The following COPG2 variants were observed in gnomAD, a reference collection of about 807,000 sequenced individuals.
The protein encoded by COPG2 is coatomer subunit gamma-2.
Under a neutral mutation model 46.3 loss-of-function variants are expected in COPG2, and 37 were observed. The observed-to-expected ratio is 0.80, with a 90% confidence interval of 0.61 to 1.05. The LOEUF (loss-of-function observed/expected upper bound fraction) is 1.05, where lower values mean the gene tolerates loss of function less well. Ranked by LOEUF, COPG2 falls within the 50% of genes least tolerant of loss-of-function variation. The probability of loss-of-function intolerance (pLI) is 0.00; values close to 1 mark genes in which losing one functional copy is unlikely to be tolerated. For missense variants in COPG2, 427 were observed against 387.8 expected, an observed-to-expected ratio of 1.10 and a Z score of -0.85; for synonymous variants, 159 against 129.7, an observed-to-expected ratio of 1.23 and a Z score of -1.53.
intron 20 of COPG2, chr7:130,510,816 G>T: frequency 2.2e-6 from 1 of 460,746 alleles, no homozygotes; most frequent in Non-Finnish European, 4.3e-6. Flanking sequence ...AGCTGCTGGA[G>T]AGGATGACGA....
At chr7:130,595,647 CTT>C (rs1299609350) in intron 9 of COPG2, among the ~76,000 whole-genome samples, 1 of 152,194 alleles carries the variant, frequency 6.6e-6, no homozygotes, top group African/African-American at 2.4e-5. Flanking sequence ...ATGCAACTCT[CTT>C]GAGTACCCCC....
At chr7:130,578,055 G>A (rs1405463827) in intron 9 of COPG2, among the ~76,000 whole-genome samples, 40 of 152,218 alleles carry the variant, frequency 2.6e-4, no homozygotes, top group Non-Finnish European at 4.7e-4. Flanking sequence ...GAGCACAGAC[G>A]AACCAAAAGA....
chr7:130,616,451 G>A (rs782814588), intron 6 of COPG2, among the ~76,000 whole-genome samples: 1 of 152,236 alleles, frequency 6.6e-6, no homozygotes, highest in South Asian at 2.1e-4. Context: ...TTAGCCAGGT[G>A]TGGTGGTGGG....
intron 9 of COPG2, among the ~76,000 whole-genome samples, chr7:130,587,339 T>C (rs182874782): frequency 1.3e-5 from 2 of 151,990 alleles, no homozygotes; most frequent in East Asian, 1.9e-4. Flanking sequence ...AGAAAAATAC[T>C]ATTCAAGAAA....
chr7:130,509,784 C>A (rs1554440787), intron 20 of COPG2: 1 of 513,416 alleles, frequency 1.9e-6, no homozygotes, highest in Non-Finnish European at 3.9e-6. Context: ...GACTTTACAA[C>A]TCAATGCCAT....
At chr7:130,534,629 G>A (rs1293048139) in intron 20 of COPG2, among the ~76,000 whole-genome samples, 1 of 152,266 alleles carries the variant, frequency 6.6e-6, no homozygotes, top group East Asian at 1.9e-4. Context: ...GCAGAGATGG[G>A]TAGAGGCAAG....
intron 9 of COPG2, among the ~76,000 whole-genome samples, chr7:130,602,233 T>C (rs1342956007): frequency 6.6e-6 from 1 of 152,204 alleles, no homozygotes; most frequent in Non-Finnish European, 1.5e-5. Flanking sequence ...TGTTGTCTAT[T>C]TGAAGGCTTT....
intron 5 of COPG2, among the ~76,000 whole-genome samples, chr7:130,627,970 T>C (rs1554454537): frequency 6.6e-6 from 1 of 152,156 alleles, no homozygotes; most frequent in East Asian, 1.9e-4. Context: ...TTTAGGGAGA[T>C]TTTGAGTCAT....
At chr7:130,642,651 C>CA (rs1795516093) in intron 5 of COPG2, among the ~76,000 whole-genome samples, 1 of 152,126 alleles carries the variant, frequency 6.6e-6, no homozygotes, top group South Asian at 2.1e-4. Context: ...CTTTGATGAG[C>CA]ATTTGGGATG....
chr7:130,550,617 C>G lies in COPG2; in HGVS notation c.1681G>C (p.Ala561Pro). 2 of 397,980 alleles carry G rather than the reference C, an allele frequency of 5.0e-6. No individual in the cohort carries two copies. The highest frequency in any genetic ancestry group is 4.4e-6 in the Non-Finnish European group (1 of 225,718). The allele number at this position is 397,980 out of a possible 1,614,324, so 24.7% of individuals were successfully genotyped here. A position where few individuals can be genotyped will look rare whatever the true frequency, so the allele number is the denominator to read the frequency against. The change falls in exon 17 of 24, where the codon GCC becomes CCC. Residue 561 changes from alanine to proline, a missense_variant. Coordinates refer to ENST00000425248, the MANE Select transcript of COPG2 (RefSeq NM_012133.6). ...LTVSVPGMEK[A>P]LHQYTLEPSE... Reference sequence around the variant, plus strand: ...GGCTCCAACGTGTACTGGTGTAAGGCTTTTTCCATCCCTGGTACAGAGACC... The same window carrying G: ...GGCTCCAACGTGTACTGGTGTAAGGGTTTTTCCATCCCTGGTACAGAGACC...
At chr7:130,577,853 A>G (rs1471561039) in intron 9 of COPG2, among the ~76,000 whole-genome samples, 5 of 149,676 alleles carry the variant, frequency 3.3e-5, no homozygotes, top group Non-Finnish European at 5.9e-5. Context: ...TCCTACGCCC[A>G]CGGAATCTCG....
chr7:130,651,266 T>G (rs895027647), intron 5 of COPG2, among the ~76,000 whole-genome samples: 3 of 152,116 alleles, frequency 2.0e-5, no homozygotes, highest in Non-Finnish European at 4.4e-5. Context: ...ATCCCAACTA[T>G]CCAGAGATAA....
Position 130,537,649 on chromosome 7 carries a change from T to A in COPG2, c.2149+10025A>T, listed in dbSNP as rs911146239. On this transcript the variant is annotated intron_variant, in intron 20 of 23. Transcript: ENST00000425248. ...GCAAGAAGAATGAGTTGGAGCAGGT[T>A]ATGGAGGCCAGCAGCTTACAGAGGT... Among the ~76,000 whole-genome samples the A allele has an allele frequency of 2.3e-4, 35 of 152,196 alleles. No homozygotes were observed. The East Asian group carries it at 6.8e-3, about 29-fold the overall frequency.
chr7:130,590,492 G>A (rs1242143339), intron 9 of COPG2, among the ~76,000 whole-genome samples: 3 of 152,162 alleles, frequency 2.0e-5, no homozygotes, highest in African/African-American at 7.2e-5. Context: ...TCCTAACCGC[G>A]AGTGATCCGC....
Position 130,666,881 on chromosome 7 carries a change from T to C in COPG2, c.139A>G (p.Ile47Val). The C allele has an allele frequency of 6.4e-7, 1 of 1,564,106 alleles. No homozygotes were observed. Among genetic ancestry groups the C allele is most frequent in the Non-Finnish European group, 8.7e-7 (1 of 1,143,820 alleles). Reference protein sequence around the residue: ...TPINPRRCLHILTKILYLLNQ... With the variant: ...TPINPRRCLHVLTKILYLLNQ... ...AGTAAGTAAAGAATCTTTGTAAGAATATGCAAACATCTTCTTGGATTGATT... is the reference window on the plus strand; with the variant it reads ...AGTAAGTAAAGAATCTTTGTAAGAACATGCAAACATCTTCTTGGATTGATT... Residue 47 changes from isoleucine (I) to valine (V), a missense_variant, in exon 3 of 24, where the codon ATT becomes GTT. Ile to Val is a conservative substitution (Grantham distance 29, BLOSUM62 3). Coordinates refer to ENST00000425248, the MANE Select transcript of COPG2 (RefSeq NM_012133.6).
intron 20 of COPG2, among the ~76,000 whole-genome samples, chr7:130,541,252 G>A (rs1799933984): frequency 6.6e-6 from 1 of 152,208 alleles, no homozygotes; most frequent in Non-Finnish European, 1.5e-5. Flanking sequence ...GACTCAAGGT[G>A]GAGGAGTGAG....
At chr7:130,523,147 C>A (rs1799739654) in intron 20 of COPG2, among the ~76,000 whole-genome samples, 1 of 79,742 alleles carries the variant, frequency 1.3e-5, no homozygotes, top group Non-Finnish European at 2.5e-5. Flanking sequence ...AGGCTCCAGG[C>A]CTCAAACGGG....
intron 2 of COPG2, 84 bp downstream of exon 2, chr7:130,667,397 GT>G: frequency 9.3e-7 from 1 of 1,070,506 alleles, no homozygotes; most frequent in South Asian, 1.5e-5. Context: ...TTTGCATGTC[GT>G]GATCACAGCA....
intron 5 of COPG2, among the ~76,000 whole-genome samples, chr7:130,632,011 G>A (rs1238226037): frequency 2.0e-5 from 3 of 152,104 alleles, no homozygotes; most frequent in Non-Finnish European, 4.4e-5. Context: ...TCGAATTCTG[G>A]ATTGACAGTT....
Sources: allele counts gnomAD v4.1 joint callset (sites outside exome capture counted in the v4.1 genomes callset), GRCh38; gene constraint gnomAD v4.1.1; transcripts MANE v1.5; gene names NCBI Gene and HGNC (gene_info 2026-07-23, HGNC 2026-07-21).